Variants in PGAP2 observed in about 807,000 individuals in gnomAD.
The protein encoded by PGAP2 is acyltransferase PGAP2.
Under a neutral mutation model 33.2 loss-of-function variants are expected in PGAP2, and 21 were observed. That is an observed-to-expected ratio of 0.63 (90% CI 0.45 to 0.91). The LOEUF is 0.91. PGAP2 is among the 40% of genes least tolerant of loss of function. The probability of loss-of-function intolerance (pLI) is 0.00; values close to 1 mark genes in which losing one functional copy is unlikely to be tolerated. For missense variants in PGAP2, 345 were observed against 424.0 expected (o/e 0.81, Z 1.64); for synonymous variants, 161 against 172.9 (o/e 0.93, Z 0.54).
At chr11:3,802,059 T>A (rs2134136152) in intron 1 of PGAP2, among the ~76,000 whole-genome samples, 1 of 146,202 alleles carries the variant, frequency 6.8e-6, no homozygotes, top group East Asian at 2.0e-4. Context: ...TTTTTTCTTT[T>A]ATTTCTTTTC....
chr11:3,798,774 G>T (rs1355316969), intron 1 of PGAP2, among the ~76,000 whole-genome samples: 3 of 151,712 alleles, frequency 2.0e-5, no homozygotes, highest in African/African-American at 7.3e-5. Context: ...CTCCCGAGTA[G>T]CTGGGATTAC....
chr11:3,814,753 TTTC>T (rs1292007085), intron 2 of PGAP2, among the ~76,000 whole-genome samples: 6 of 60,596 alleles, frequency 9.9e-5, no homozygotes, highest in Admixed American at 1.6e-4. Flanking sequence ...CCTTCTTTTC[TTTC>T]TTTCTTTCTT....
Position 3,825,006 on chromosome 11 carries a change from A to C in PGAP2, c.709-14A>C, listed in dbSNP as rs1565065812. 6.2e-7 allele frequency: 1 copy of C among 1,614,136 alleles called. No homozygotes were observed. Among genetic ancestry groups the C allele is most frequent in the Non-Finnish European group, 8.5e-7 (1 of 1,179,982 alleles). ...CCAGCAAGCTGCAGAGTGATCAGACAGCCCATTCCCTAGGATCGCAAGTCC... is the reference window on the plus strand; with the variant it reads ...CCAGCAAGCTGCAGAGTGATCAGACCGCCCATTCCCTAGGATCGCAAGTCC... On this transcript the variant is annotated splice_polypyrimidine_tract_variant and intron_variant, in intron 5 of 6. Transcript: ENST00000278243.
At chr11:3,814,752 C>CTTTTCT (rs774070514) in intron 2 of PGAP2, among the ~76,000 whole-genome samples, 1 of 79,470 alleles carries the variant, frequency 1.3e-5, no homozygotes, top group Non-Finnish European at 2.5e-5. Context: ...TCCTTCTTTT[C>CTTTTCT]TTTCTTTCTT....
At chr11:3,802,713 A>G (rs77769246) in intron 1 of PGAP2, among the ~76,000 whole-genome samples, 5,413 of 152,278 alleles carry the variant, frequency 0.036, 306 homozygotes, top group African/African-American at 0.12. Flanking sequence ...GTCAGAGCTA[A>G]GTTCAAGTTG....
At chr11:3,808,243 A>G, upstream of PGAP2, 1 of 1,547,494 alleles carries the variant, frequency 6.5e-7, no homozygotes. Context: ...AGACGGGCGG[A>G]TGAGAAAGAA....
intron 2 of PGAP2, among the ~76,000 whole-genome samples, chr11:3,815,134 T>C (rs925303115): frequency 1.3e-5 from 2 of 151,826 alleles, no homozygotes; most frequent in African/African-American, 4.8e-5. Flanking sequence ...AGATGGGGTT[T>C]CACTATGCTG....
In PGAP2 at chr11:3,825,770, C is replaced by G. The variant is rs1387260663; in HGVS notation, c.*312C>G. 1 of 255,328 alleles carries G rather than the reference C, an allele frequency of 3.9e-6. No homozygotes were observed. The highest frequency in any genetic ancestry group is 7.7e-6 in the Non-Finnish European group (1 of 130,686). The allele number at this position is 255,328 out of a possible 1,614,324, so 15.8% of individuals were successfully genotyped here. A position where few individuals can be genotyped will look rare whatever the true frequency, so the allele number is the denominator to read the frequency against. ...TTCATGACCACCATCCAGTTTCTGGCCTTTACACAGTCACCTTTCACTGAG... is the reference window on the plus strand; with the variant it reads ...TTCATGACCACCATCCAGTTTCTGGGCTTTACACAGTCACCTTTCACTGAG... On this transcript the variant is annotated 3_prime_UTR_variant, in exon 7 of 7. Transcript: ENST00000278243.
At chr11:3,808,297 G>A, upstream of PGAP2, 2 of 1,551,574 alleles carry the variant, frequency 1.3e-6, no homozygotes, top group South Asian at 1.2e-5. Flanking sequence ...TCAACAGGTA[G>A]ATGGAACGCA....
intron 1 of PGAP2, among the ~76,000 whole-genome samples, chr11:3,810,414 G>A (rs1256614470): frequency 1.3e-5 from 2 of 152,148 alleles, no homozygotes; most frequent in African/African-American, 2.4e-5. Context: ...TATACTGTGC[G>A]GAGCTGGGCT....
rs1369377154 is a variant in PGAP2 at position 3,816,929 on chromosome 11, G to C, written c.166-424G>C. ...TCAGGTGGCAAGAGGCCTTAGTCCTGGTGTTTGATCCTGGCATAGTTCTGG... is the reference window on the plus strand; with the variant it reads ...TCAGGTGGCAAGAGGCCTTAGTCCTCGTGTTTGATCCTGGCATAGTTCTGG... On this transcript the variant is annotated intron_variant, in intron 2 of 6. Transcript: ENST00000278243. 2.6e-5 allele frequency among the ~76,000 whole-genome samples: 4 copies of C among 152,266 alleles called. No homozygotes were observed. In the East Asian group the frequency reaches 7.7e-4, roughly 29 times the overall value.
intron 3 of PGAP2, among the ~76,000 whole-genome samples, chr11:3,820,629 C>A (rs2088342350): frequency 6.6e-6 from 1 of 151,774 alleles, no homozygotes; most frequent in Non-Finnish European, 1.5e-5. Flanking sequence ...CATTGCACTC[C>A]AGCCTAGGCA....
chr11:3,797,835 G>C (rs2082767357), exon 1 of PGAP2: 1 of 1,550,102 alleles, frequency 6.5e-7, no homozygotes, highest in African/African-American at 1.4e-5. Flanking sequence ...TCTCGAAGTG[G>C]GCTTGTGAAT....
intron 1 of PGAP2, among the ~76,000 whole-genome samples, chr11:3,799,602 T>G (rs2083161646): frequency 6.6e-6 from 1 of 152,198 alleles, no homozygotes; most frequent in Non-Finnish European, 1.5e-5. Context: ...TTACCTAAAA[T>G]GTAAATGAGT....
upstream of PGAP2, among the ~76,000 whole-genome samples, chr11:3,807,079 T>C (rs567654199): frequency 6.7e-5 from 10 of 150,046 alleles, no homozygotes; most frequent in African/African-American, 2.5e-4. Context: ...CTTACACCTG[T>C]AATCCCAGCT....
rs1178147819 is a variant in PGAP2 at position 3,814,796 on chromosome 11, C to CTT, written c.166-2555_166-2554dup. Among the ~76,000 whole-genome samples, 40 of 112,736 alleles carry CTT rather than the reference C, an allele frequency of 3.5e-4. 1 individual carries two copies. The highest frequency in any genetic ancestry group is 2.8e-4 in the Admixed American group (3 of 10,696). The allele number at this position is 112,736 out of a possible 152,430, so 74.0% of individuals were successfully genotyped here. On this transcript the variant is annotated intron_variant, in intron 2 of 6. Coordinates refer to ENST00000278243, the MANE Select transcript of PGAP2 (RefSeq NM_014489.4). ...TCTTTCTTTCTTTCTTTCTTTCTTT[C>CTT]TTTCTTTCTTTCTTTCTCTTTCTTT...
chr11:3,822,810 A>G, intron 3 of PGAP2: 2 of 652,526 alleles, frequency 3.1e-6, no homozygotes, highest in Non-Finnish European at 5.2e-6. Flanking sequence ...TCCTGTCCCC[A>G]TCTAAACCCT....
At chr11:3,819,858 G>A (rs1019759519) in intron 3 of PGAP2, among the ~76,000 whole-genome samples, 2 of 152,098 alleles carry the variant, frequency 1.3e-5, no homozygotes, top group Admixed American at 1.3e-4. Context: ...ATATGTGCGT[G>A]TGTGTGTACA....
chr11:3,799,232 G>A (rs867093701), intron 1 of PGAP2, among the ~76,000 whole-genome samples: 3 of 152,178 alleles, frequency 2.0e-5, no homozygotes, highest in Admixed American at 1.3e-4. Flanking sequence ...AGCAGGAACT[G>A]TGCGCAGAAA....
Sources: gnomAD v4.1 joint callset for allele counts (sites outside exome capture counted in the v4.1 genomes callset) on GRCh38, gnomAD v4.1.1 for gene constraint, MANE v1.5 for transcripts, NCBI Gene and HGNC (gene_info 2026-07-23, HGNC 2026-07-21) for gene names.